Variants in PARD3B observed in about 807,000 individuals in gnomAD.
The protein encoded by PARD3B is partitioning defective 3 homolog B.
A neutral mutation model predicts 130.2 loss-of-function variants in PARD3B; 103 were observed. That is an observed-to-expected ratio of 0.79 (90% CI 0.67 to 0.93). The LOEUF (loss-of-function observed/expected upper bound fraction) is 0.93, where lower values mean the gene tolerates loss of function less well. PARD3B is among the 40% of genes least tolerant of loss of function. The probability of loss-of-function intolerance (pLI) is 0.00; values close to 1 mark genes in which losing one functional copy is unlikely to be tolerated. For missense variants in PARD3B, 1,609 were observed against 1,499.2 expected, an observed-to-expected ratio of 1.07 and a Z score of -1.21; for synonymous variants, 583 against 553.2, an observed-to-expected ratio of 1.05 and a Z score of -0.76.
intron 15 of PARD3B, among the ~76,000 whole-genome samples, chr2:205,234,714 T>C (rs1195567099): frequency 6.6e-6 from 1 of 152,168 alleles, no homozygotes; most frequent in African/African-American, 2.4e-5. Flanking sequence ...TATAGAACAC[T>C]CTGCACAACA....
chr2:205,133,058 A>G (rs1430511061), intron 10 of PARD3B, among the ~76,000 whole-genome samples: 1 of 152,080 alleles, frequency 6.6e-6, no homozygotes, highest in East Asian at 1.9e-4. Flanking sequence ...AATTCTTTTA[A>G]ACCAAATTAA....
chr2:204,880,232 A>G (rs557596458), intron 2 of PARD3B, among the ~76,000 whole-genome samples: 3 of 152,260 alleles, frequency 2.0e-5, no homozygotes, highest in Non-Finnish European at 4.4e-5. Context: ...GGAATTACCA[A>G]TTGTTCCCTA....
In PARD3B at chr2:204,894,444, CT is replaced by C. The variant is rs141268930; in HGVS notation, c.223-70697del. The stretch of plus-strand genomic sequence containing the variant: ...GATATTATAGTGACAGGCATTTTTA[CT>C]TTTTTTTTTTCATTTCCTGTCATGG... On this transcript the variant is annotated intron_variant, in intron 2 of 22. Coordinates refer to ENST00000406610, the MANE Select transcript of PARD3B (RefSeq NM_001302769.2). 3.3e-4 allele frequency among the ~76,000 whole-genome samples: 49 copies of C among 146,580 alleles called. 1 individual carries two copies. Among genetic ancestry groups the C allele is most frequent in the Middle Eastern group, 3.5e-3 (1 of 282 alleles).
intron 2 of PARD3B, 39 bp downstream of exon 2, chr2:204,686,321 A>G (rs755026322): frequency 5.1e-6 from 7 of 1,381,958 alleles, no homozygotes; most frequent in South Asian, 1.2e-5. Flanking sequence ...GTTTTCCTCT[A>G]CAGAGCTGCA....
At chr2:204,548,512 A>G (rs2030189290) in intron 1 of PARD3B, among the ~76,000 whole-genome samples, 1 of 152,232 alleles carries the variant, frequency 6.6e-6, no homozygotes, top group Non-Finnish European at 1.5e-5. Context: ...GAAACCAGGA[A>G]CTGTGTCTTT....
At chr2:204,718,152 T>C (rs752019883) in intron 2 of PARD3B, among the ~76,000 whole-genome samples, 5 of 152,076 alleles carry the variant, frequency 3.3e-5, no homozygotes, top group African/African-American at 4.8e-5. Context: ...TCAGCATTTG[T>C]GTTATCTTTT....
intron 19 of PARD3B, among the ~76,000 whole-genome samples, chr2:205,408,010 G>A (rs990846070): frequency 3.3e-5 from 5 of 152,160 alleles, no homozygotes; most frequent in Non-Finnish European, 7.4e-5. Flanking sequence ...GCATTGAAAA[G>A]TATGAAAACA....
At chr2:204,865,899 C>T (rs183500331) in intron 2 of PARD3B, among the ~76,000 whole-genome samples, 9 of 152,136 alleles carry the variant, frequency 5.9e-5, no homozygotes, top group Non-Finnish European at 1.5e-5. Flanking sequence ...CTACATGGAC[C>T]TGTGCTCTTG....
rs1292110380 is a variant in PARD3B, at chr2:205,044,255, G to T, written c.395-3326G>T. 4.1e-5 allele frequency among the ~76,000 whole-genome samples: 6 copies of T among 145,200 alleles called. No individual in the cohort carries two copies. In the East Asian group the frequency reaches 1.0e-3, roughly 24 times the overall value. On this transcript the variant is annotated intron_variant, in intron 3 of 22. Transcript: ENST00000406610. ...AGTCTTTGCTATTGTGAATAATGCC[G>T]CAATAAACATACGTGTGCATGTGTC... is the stretch of plus-strand genomic sequence containing the variant.
At chr2:205,614,775 A>G (rs1216802738) in intron 22 of PARD3B, among the ~76,000 whole-genome samples, 2 of 151,974 alleles carry the variant, frequency 1.3e-5, no homozygotes, top group Non-Finnish European at 2.9e-5. Flanking sequence ...AGGACTGTAG[A>G]GCATTTAGGG....
chr2:204,593,596 G>T (rs1333473497), intron 1 of PARD3B, among the ~76,000 whole-genome samples: 1 of 152,156 alleles, frequency 6.6e-6, no homozygotes, highest in African/African-American at 2.4e-5. Flanking sequence ...TATAGTTGCA[G>T]AGTACTCAGT....
intron 4 of PARD3B, among the ~76,000 whole-genome samples, chr2:205,102,118 T>C (rs911850467): frequency 1.1e-4 from 17 of 152,180 alleles, no homozygotes; most frequent in Non-Finnish European, 2.5e-4. Context: ...GCTGCAAACT[T>C]ACAAGCGATC....
chr2:205,115,074 T>C (rs1703932137), intron 6 of PARD3B, among the ~76,000 whole-genome samples: 1 of 152,130 alleles, frequency 6.6e-6, no homozygotes, highest in Admixed American at 6.6e-5. Context: ...GCACAAGATC[T>C]TCCCAATTTC....
intron 2 of PARD3B, among the ~76,000 whole-genome samples, chr2:204,831,720 A>T (rs1271798620): frequency 6.6e-6 from 1 of 152,200 alleles, no homozygotes. Flanking sequence ...CTTTTGTATT[A>T]ATAGTTCCTA....
intron 22 of PARD3B, among the ~76,000 whole-genome samples, chr2:205,576,982 G>A (rs62171561): frequency 0.058 from 8,797 of 152,092 alleles, 294 homozygotes; most frequent in Middle Eastern, 0.078. Flanking sequence ...TCAGAATTTC[G>A]TAATTTTCCT....
At chr2:205,196,101 G>A (rs1455240552) in intron 15 of PARD3B, among the ~76,000 whole-genome samples, 1 of 152,050 alleles carries the variant, frequency 6.6e-6, no homozygotes, top group Non-Finnish European at 1.5e-5. Context: ...AAAAAATAAA[G>A]CCTCCTTATT....
At chr2:205,375,412 C>T (rs2045004173) in intron 18 of PARD3B, among the ~76,000 whole-genome samples, 1 of 152,120 alleles carries the variant, frequency 6.6e-6, no homozygotes, top group South Asian at 2.1e-4. Flanking sequence ...TCAGGAAGAG[C>T]CCTCTGGGTC....
chr2:205,272,611 A>G (rs1298981209), intron 16 of PARD3B, among the ~76,000 whole-genome samples: 1 of 152,172 alleles, frequency 6.6e-6, no homozygotes, highest in Non-Finnish European at 1.5e-5. Context: ...CAGTTGTTCA[A>G]ATAAGTCATC....
chr2:205,149,757 A>C (rs2033617154), intron 10 of PARD3B, among the ~76,000 whole-genome samples: 1 of 152,152 alleles, frequency 6.6e-6, no homozygotes, highest in South Asian at 2.1e-4. Context: ...GTTGCTTTGA[A>C]TTTGACTGCA....
Sources: allele counts gnomAD v4.1 joint callset (sites outside exome capture counted in the v4.1 genomes callset), GRCh38; gene constraint gnomAD v4.1.1; transcripts MANE v1.5; gene names NCBI Gene and HGNC (gene_info 2026-07-23, HGNC 2026-07-21).